Variants in TAS2R1 observed in about 807,000 individuals in gnomAD.
TAS2R1 encodes taste receptor type 2 member 1.
For missense variants in TAS2R1, 370 were observed against 353.4 expected, an observed-to-expected ratio of 1.05 and a Z score of -0.38; for synonymous variants, 141 against 134.2, an observed-to-expected ratio of 1.05 and a Z score of -0.35.
At chr5:9,664,332 T>C (rs1740590727) in intron 1 of TAS2R1, among the ~76,000 whole-genome samples, 1 of 152,242 alleles carries the variant, frequency 6.6e-6, no homozygotes, top group Non-Finnish European at 1.5e-5. Context: ...AAATTTTTAA[T>C]CGTGTTTCCT....
the TAS2R1 span, among the ~76,000 whole-genome samples, chr5:9,814,882 T>C: frequency 6.6e-6 from 1 of 152,208 alleles, no homozygotes; most frequent in South Asian, 2.1e-4. Context: ...ATCTCATTAC[T>C]GAGTGTAAAC....
the TAS2R1 span, among the ~76,000 whole-genome samples, chr5:9,849,293 T>G: frequency 6.6e-6 from 1 of 152,242 alleles, no homozygotes; most frequent in Non-Finnish European, 1.5e-5. Flanking sequence ...ACCACCATTC[T>G]GTATCATTTG....
At chr5:9,853,299 C>T in the TAS2R1 span, among the ~76,000 whole-genome samples, 11 of 152,228 alleles carry the variant, frequency 7.2e-5, no homozygotes, top group Non-Finnish European at 4.4e-5. Context: ...GCAGGGCTAC[C>T]CTACAGGCTG....
At chr5:9,727,127 C>T in the TAS2R1 span, among the ~76,000 whole-genome samples, 14 of 152,270 alleles carry the variant, frequency 9.2e-5, no homozygotes, top group African/African-American at 9.6e-5. Flanking sequence ...GCTTGGATGG[C>T]GTGTGATCTC....
the TAS2R1 span, among the ~76,000 whole-genome samples, chr5:9,744,852 T>A: frequency 6.6e-6 from 1 of 152,380 alleles, no homozygotes; most frequent in South Asian, 2.1e-4. Flanking sequence ...GTATACAATG[T>A]TATGGTGAAG....
intron 1 of TAS2R1, among the ~76,000 whole-genome samples, chr5:9,708,990 G>C (rs1362946639): frequency 6.6e-6 from 1 of 152,044 alleles, no homozygotes; most frequent in Admixed American, 6.6e-5. Flanking sequence ...AGAAACTCAC[G>C]AAGAAACCAG....
upstream of TAS2R1, among the ~76,000 whole-genome samples, chr5:9,715,098 T>A (rs977310368): frequency 1.3e-5 from 2 of 152,120 alleles, no homozygotes; most frequent in Non-Finnish European, 2.9e-5. Context: ...CTACACACAC[T>A]TCAAGAGGGA....
At chr5:9,687,261 C>T (rs375051909) in intron 1 of TAS2R1, among the ~76,000 whole-genome samples, 8 of 152,324 alleles carry the variant, frequency 5.3e-5, no homozygotes, top group Admixed American at 2.6e-4. Context: ...TGAGCTACCG[C>T]GCCCAGCTGT....
chr5:9,630,767 C>G (rs868140033), upstream of TAS2R1, among the ~76,000 whole-genome samples: 3 of 152,144 alleles, frequency 2.0e-5, no homozygotes, highest in South Asian at 6.2e-4. Context: ...GGGTTAAAAT[C>G]TTTTCTCTCT....
chr5:9,680,041 T>C (rs1024203811), intron 1 of TAS2R1, among the ~76,000 whole-genome samples: 3 of 152,036 alleles, frequency 2.0e-5, no homozygotes, highest in Non-Finnish European at 4.4e-5. Flanking sequence ...AGTAAGGAAG[T>C]GTTTAAAGGA....
chr5:9,632,936 G>A (rs1190183606), upstream of TAS2R1, among the ~76,000 whole-genome samples: 14 of 151,654 alleles, frequency 9.2e-5, no homozygotes, highest in Admixed American at 9.2e-4. Context: ...TATCTAAAAT[G>A]GTGAATCCTT....
chr5:9,826,343 C>T, the TAS2R1 span, among the ~76,000 whole-genome samples: 4 of 152,070 alleles, frequency 2.6e-5, no homozygotes, highest in African/African-American at 7.2e-5. Flanking sequence ...TAAATCTTTT[C>T]CATGGTATGA....
chr5:9,861,037 G>GTTTTTTTTTTTTT, the TAS2R1 span, among the ~76,000 whole-genome samples: 177 of 88,572 alleles, frequency 2.0e-3, 8 homozygotes, highest in African/African-American at 4.7e-3. Context: ...GGAAGATGAG[G>GTTTTTTTTTTTTT]TTTTTTTTTT....
chr5:9,845,583 A>G, the TAS2R1 span, among the ~76,000 whole-genome samples: 2 of 152,198 alleles, frequency 1.3e-5, no homozygotes, highest in Non-Finnish European at 2.9e-5. Flanking sequence ...ATTAATTCAA[A>G]TGAAATTGGG....
At chr5:9,824,844 G>GGA in the TAS2R1 span, among the ~76,000 whole-genome samples, 2 of 132,708 alleles carry the variant, frequency 1.5e-5, no homozygotes, top group African/African-American at 5.7e-5. Flanking sequence ...TGAAAACTCT[G>GGA]AAAAAAAAAA....
intron 1 of TAS2R1, among the ~76,000 whole-genome samples, chr5:9,675,126 A>AAT (rs1053211320): frequency 1.1e-4 from 16 of 148,770 alleles, no homozygotes; most frequent in East Asian, 3.9e-4. Context: ...ATATATATCT[A>AAT]ATATATATAT....
At chr5:9,874,480 T>C in the TAS2R1 span, among the ~76,000 whole-genome samples, 7 of 152,304 alleles carry the variant, frequency 4.6e-5, no homozygotes, top group East Asian at 9.6e-4. Flanking sequence ...CCTTAGCATC[T>C]TCCCCCTCCA....
the TAS2R1 span, among the ~76,000 whole-genome samples, chr5:9,898,745 T>G: frequency 6.6e-6 from 1 of 152,122 alleles, no homozygotes; most frequent in East Asian, 1.9e-4. Flanking sequence ...AGGGCAATAC[T>G]CTAAAGGAGA....
chr5:9,793,241 T>C, the TAS2R1 span, among the ~76,000 whole-genome samples: 4 of 152,258 alleles, frequency 2.6e-5, 1 homozygote, highest in East Asian at 3.9e-4. Flanking sequence ...GGAAAGGGCA[T>C]AGGAAATGAT....
Sources: allele counts gnomAD v4.1 joint callset (sites outside exome capture counted in the v4.1 genomes callset), GRCh38; gene constraint gnomAD v4.1.1; transcripts MANE v1.5; gene names NCBI Gene and HGNC (gene_info 2026-07-23, HGNC 2026-07-21).